The following ERBB4 variants were observed in gnomAD, a reference collection of about 807,000 sequenced individuals.
The protein encoded by ERBB4 is erb-b2 receptor tyrosine kinase 4.
Under a neutral mutation model 158.0 loss-of-function variants are expected in ERBB4, and 42 were observed. The ratio of observed to expected loss-of-function variants is 0.27; its 90% CI spans 0.21 to 0.34. ERBB4 has a LOEUF of 0.34. Among genes scored for constraint, ERBB4 ranks in the 10% least tolerant of loss-of-function variants. The pLI is 1.00. For synonymous variants in ERBB4, 583 were observed against 558.7 expected, an observed-to-expected ratio of 1.04 and a Z score of -0.61; for missense variants, 1,333 against 1,624.1, an observed-to-expected ratio of 0.82 and a Z score of 3.08.
At chr2:212,101,636 G>C (rs1408811853) in intron 2 of ERBB4, among the ~76,000 whole-genome samples, 1 of 151,796 alleles carries the variant, frequency 6.6e-6, no homozygotes, top group Non-Finnish European at 1.5e-5. Context: ...ACCCTGAACT[G>C]AAAATAATAT....
At chr2:211,745,093 T>C (rs758426174) in intron 5 of ERBB4, among the ~76,000 whole-genome samples, 1 of 151,448 alleles carries the variant, frequency 6.6e-6, no homozygotes, top group Non-Finnish European at 1.5e-5. Context: ...CAGGGTCAGA[T>C]ATAAGTATAT....
chr2:211,378,716 A>G lies in ERBB4; in HGVS notation c.*4899T>C, dbSNP rs2062523693. On this transcript the variant is annotated 3_prime_UTR_variant, in exon 28 of 28. Transcript: ENST00000342788. The stretch of plus-strand genomic sequence containing the variant: ...AATTATGCCTGATCTCATCTGTATA[A>G]TATTTGTTCTTAAGCAAATAGCAAC... 1 of 232,632 alleles carries G rather than the reference A, an allele frequency of 4.3e-6. No homozygotes were observed. Among genetic ancestry groups the G allele is most frequent in the Non-Finnish European group, 8.5e-6 (1 of 117,466 alleles). The allele number at this position is 232,632 out of a possible 1,614,324, so 14.4% of individuals were successfully genotyped here.
At chr2:211,433,917 CAT>C (rs1285602628) in intron 20 of ERBB4, among the ~76,000 whole-genome samples, 2 of 152,124 alleles carry the variant, frequency 1.3e-5, no homozygotes, top group Non-Finnish European at 2.9e-5. Context: ...GTTCTGCTTC[CAT>C]CACTTACAAC....
intron 1 of ERBB4, among the ~76,000 whole-genome samples, chr2:212,234,683 A>T (rs1365015271): frequency 6.6e-6 from 1 of 152,160 alleles, no homozygotes; most frequent in Non-Finnish European, 1.5e-5. Flanking sequence ...TCTAACTGGC[A>T]TGAGATGGTA....
chr2:212,102,566 G>C (rs1183406700), intron 2 of ERBB4, among the ~76,000 whole-genome samples: 1 of 151,992 alleles, frequency 6.6e-6, no homozygotes, highest in Non-Finnish European at 1.5e-5. Context: ...AATGTCGTGT[G>C]ATTTTTTAAA....
At chr2:212,325,971 T>C (rs2087809930) in intron 1 of ERBB4, among the ~76,000 whole-genome samples, 1 of 150,662 alleles carries the variant, frequency 6.6e-6, no homozygotes, top group South Asian at 2.1e-4. Flanking sequence ...TTCAGAGTTC[T>C]GCCTGTATAC....
intron 2 of ERBB4, among the ~76,000 whole-genome samples, chr2:212,064,399 A>C (rs1380491310): frequency 6.6e-6 from 1 of 152,116 alleles, no homozygotes; most frequent in Non-Finnish European, 1.5e-5. Context: ...TAGGCAACAC[A>C]TCAGGCTTGT....
In ERBB4 at chr2:212,146,794, T is replaced by A. The variant is rs998512152; in HGVS notation, c.83-21891A>T. Among the ~76,000 whole-genome samples, 5 of 152,076 alleles carry A rather than the reference T, an allele frequency of 3.3e-5. No individual in the cohort carries two copies. The East Asian group carries it at 9.6e-4, about 29-fold the overall frequency. ...CACATCTTTAGATTTATTTTCTCAA[T>A]TGATTTGGAAAGGCAGTAGCAGAAT... On this transcript the variant is annotated intron_variant, in intron 1 of 27. Coordinates refer to ENST00000342788, the MANE Select transcript of ERBB4 (RefSeq NM_005235.3).
intron 1 of ERBB4, among the ~76,000 whole-genome samples, chr2:212,452,506 T>C (rs1688046553): frequency 6.6e-6 from 1 of 152,156 alleles, no homozygotes; most frequent in African/African-American, 2.4e-5. Flanking sequence ...TGAAATTTAA[T>C]GGTAGCTCAG....
chr2:212,287,079 G>A (rs2106167584), intron 1 of ERBB4, among the ~76,000 whole-genome samples: 1 of 151,838 alleles, frequency 6.6e-6, no homozygotes, highest in Non-Finnish European at 1.5e-5. Context: ...AGCCCAAATG[G>A]CACAACCTCG....
rs576915532 is a variant in ERBB4, at chr2:211,603,609, A to T, written c.2301+15568T>A. On this transcript the variant is annotated intron_variant, in intron 19 of 27. Transcript: ENST00000342788. ...GCAGTCACTTATCAGGTTGCCTCTCAAGTTCCTCCCTCTCCCTTTTATTAA... is the reference window on the plus strand; with the variant it reads ...GCAGTCACTTATCAGGTTGCCTCTCTAGTTCCTCCCTCTCCCTTTTATTAA... Among the ~76,000 whole-genome samples, 3 of 152,338 alleles carry T rather than the reference A, an allele frequency of 2.0e-5. No homozygotes were observed. In the East Asian group the frequency reaches 5.8e-4, roughly 29 times the overall value.
At chr2:211,736,525 T>G (rs1448273294) in intron 5 of ERBB4, among the ~76,000 whole-genome samples, 3 of 152,158 alleles carry the variant, frequency 2.0e-5, no homozygotes, top group Non-Finnish European at 4.4e-5. Context: ...ATTAAGAAAT[T>G]AGAGAAACCG....
At position 211,889,664 on chromosome 2, in the gene ERBB4, T is replaced by A. The variant is rs1323199747; in HGVS notation, c.421+57766A>T. Among the ~76,000 whole-genome samples the A allele has an allele frequency of 7.7e-5, 11 of 143,294 alleles. 1 individual carries two copies. Among genetic ancestry groups the A allele is most frequent in the Middle Eastern group, 7.2e-3 (2 of 276 alleles). 94.0% of individuals were successfully genotyped at this position (143,294 alleles called of 152,430 possible). ...AAGAAGTTGAAAACTTTGAAAAAAA[T>A]TTAGAAGAATGTATAACTAGAATAA... is the stretch of plus-strand genomic sequence containing the variant. On this transcript the variant is annotated intron_variant, in intron 3 of 27. Coordinates refer to ENST00000342788, the MANE Select transcript of ERBB4 (RefSeq NM_005235.3).
intron 1 of ERBB4, among the ~76,000 whole-genome samples, chr2:212,181,157 C>T (rs16847848): frequency 0.024 from 3,631 of 151,674 alleles, 152 homozygotes; most frequent in African/African-American, 0.084. Flanking sequence ...CTCCAGATCA[C>T]CTGCCTTTGA....
At chr2:212,344,983 C>G (rs1181680218) in intron 1 of ERBB4, among the ~76,000 whole-genome samples, 1 of 152,006 alleles carries the variant, frequency 6.6e-6, no homozygotes, top group Non-Finnish European at 1.5e-5. Flanking sequence ...AAACACAGGT[C>G]GGGCGTGGTG....
intron 2 of ERBB4, among the ~76,000 whole-genome samples, chr2:212,095,191 A>G: frequency 6.6e-6 from 1 of 152,166 alleles, no homozygotes; most frequent in South Asian, 2.1e-4. Context: ...TTTTTAAGGT[A>G]CTGAAAACAA....
chr2:211,659,403 A>G (rs1389986096), intron 15 of ERBB4, among the ~76,000 whole-genome samples: 1 of 152,118 alleles, frequency 6.6e-6, no homozygotes, highest in African/African-American at 2.4e-5. Flanking sequence ...ATTTCTAAAA[A>G]TGGAAAATTA....
intron 1 of ERBB4, among the ~76,000 whole-genome samples, chr2:212,203,699 A>T (rs1205015170): frequency 6.6e-6 from 1 of 152,206 alleles, no homozygotes; most frequent in African/African-American, 2.4e-5. Context: ...AAGCCTAAAC[A>T]TATATTTTAA....
At chr2:212,407,454 C>T (rs932270282) in intron 1 of ERBB4, among the ~76,000 whole-genome samples, 2 of 151,848 alleles carry the variant, frequency 1.3e-5, no homozygotes, top group South Asian at 2.1e-4. Flanking sequence ...TTTAGTAAAC[C>T]GTCTAAGGTT....
Sources: allele counts gnomAD v4.1 joint callset (sites outside exome capture counted in the v4.1 genomes callset), GRCh38; gene constraint gnomAD v4.1.1; transcripts MANE v1.5; gene names NCBI Gene and HGNC (gene_info 2026-07-23, HGNC 2026-07-21).